The following PSD3 variants were observed in gnomAD, a reference collection of about 807,000 sequenced individuals.
The protein encoded by PSD3 is pleckstrin and Sec7 domain containing 3, also known as PH and SEC7 domain-containing protein 3.
A neutral mutation model predicts 105.5 loss-of-function variants in PSD3; 49 were observed. The observed-to-expected ratio is 0.46, with a 90% confidence interval of 0.37 to 0.59. The LOEUF (loss-of-function observed/expected upper bound fraction) is 0.59, where lower values mean the gene tolerates loss of function less well. Among genes scored for constraint, PSD3 ranks in the 20% least tolerant of loss-of-function variants. The probability of loss-of-function intolerance (pLI) is 0.00; values close to 1 mark genes in which losing one functional copy is unlikely to be tolerated. For synonymous variants in PSD3, 557 were observed against 457.8 expected, an observed-to-expected ratio of 1.22 and a Z score of -2.77; for missense variants, 1,561 against 1,263.8, an observed-to-expected ratio of 1.24 and a Z score of -3.57.
chr8:18,543,596 C>T (rs958325707), intron 15 of PSD3, among the ~76,000 whole-genome samples: 61 of 150,964 alleles, frequency 4.0e-4, no homozygotes, highest in African/African-American at 1.4e-3. Context: ...CCAGCCTGGG[C>T]GACAGAGCGA....
At chr8:18,785,362 C>T (rs1029998180) in intron 8 of PSD3, among the ~76,000 whole-genome samples, 2 of 152,204 alleles carry the variant, frequency 1.3e-5, no homozygotes, top group African/African-American at 4.8e-5. Flanking sequence ...GTTATGAAGA[C>T]ACTTTCTTTC....
chr8:19,074,582 C>CATATATATATAT (rs1829384545), intron 1 of PSD3, among the ~76,000 whole-genome samples: 1 of 34,132 alleles, frequency 2.9e-5, no homozygotes, highest in Non-Finnish European at 8.1e-5. Flanking sequence ...TTTTACAACT[C>CATATATATATAT]AGATATATAC....
chr8:18,904,009 A>G (rs972948477), intron 2 of PSD3, among the ~76,000 whole-genome samples: 1 of 152,096 alleles, frequency 6.6e-6, no homozygotes, highest in Admixed American at 6.5e-5. Context: ...ATAAAGGAAC[A>G]CCCGAAACTG....
rs1563552373 is a variant in PSD3, at chr8:19,084,254, CACAGCTGG to C, written c.268_275del (p.Pro90AlafsTer39). ...GGGCTGGGCAGCCCTTGCTGGTGTGCACAGCTGGACAGTACCTGTAGAGCCATGCCCTT... is the reference window on the plus strand; with the variant it reads ...GGGCTGGGCAGCCCTTGCTGGTGTGCACAGTACCTGTAGAGCCATGCCCTT... On this transcript the variant is annotated frameshift_variant, in exon 1 of 2. Coordinates refer to the PSD3 transcript ENST00000521475. LOFTEE classifies it high-confidence loss of function. The C allele has an allele frequency of 2.2e-6, 1 of 455,630 alleles. No homozygotes were observed. The highest frequency in any genetic ancestry group is 7.0e-5 in the East Asian group (1 of 14,372). 28.2% of individuals were successfully genotyped at this position (455,630 alleles called of 1,614,324 possible).
intron 1 of PSD3, among the ~76,000 whole-genome samples, chr8:19,079,443 A>G (rs1403983619): frequency 6.6e-6 from 1 of 152,226 alleles, no homozygotes; most frequent in Non-Finnish European, 1.5e-5. Flanking sequence ...CTTTTATAAA[A>G]TTCTAAATGA....
intron 11 of PSD3, among the ~76,000 whole-genome samples, chr8:18,608,738 T>C (rs1194179105): frequency 1.3e-5 from 2 of 152,182 alleles, no homozygotes; most frequent in African/African-American, 4.8e-5. Flanking sequence ...AAAATATTCA[T>C]TAACGAGTAA....
chr8:18,645,028 G>C (rs999071087), intron 10 of PSD3, among the ~76,000 whole-genome samples: 1 of 152,152 alleles, frequency 6.6e-6, no homozygotes, highest in African/African-American at 2.4e-5. Flanking sequence ...GCAAGAGAGC[G>C]AGTTGGGGAT....
At chr8:19,048,315 A>C (rs1828396901) in intron 1 of PSD3, among the ~76,000 whole-genome samples, 1 of 152,196 alleles carries the variant, frequency 6.6e-6, no homozygotes, top group Non-Finnish European at 1.5e-5. Flanking sequence ...AGAGCACCTA[A>C]AGATGTTTTT....
chr8:18,852,445 A>T (rs959397000), intron 4 of PSD3, among the ~76,000 whole-genome samples: 1 of 152,218 alleles, frequency 6.6e-6, no homozygotes, highest in African/African-American at 2.4e-5. Flanking sequence ...CACAATGGCC[A>T]GTTTCTGACA....
chr8:18,796,856 T>C (rs1810228922), intron 8 of PSD3, among the ~76,000 whole-genome samples: 1 of 152,158 alleles, frequency 6.6e-6, no homozygotes, highest in African/African-American at 2.4e-5. Flanking sequence ...GATCAAGTAA[T>C]GGGTGGTCAT....
chr8:18,575,374 T>G, intron 12 of PSD3, 89 bp from the exon 13 acceptor site: 1 of 1,285,796 alleles, frequency 7.8e-7, no homozygotes, highest in South Asian at 2.0e-5. Flanking sequence ...AAAATAGTTT[T>G]TAGGAAATCC....
chr8:18,544,171 CAAAAAAAAAAAAAA>C (rs201016537), intron 15 of PSD3, among the ~76,000 whole-genome samples: 2 of 106,692 alleles, frequency 1.9e-5, no homozygotes, highest in African/African-American at 9.9e-5. Context: ...AGAAACAAAC[CAAAAAAAAAAAAAA>C]AAAAAAAAAA....
chr8:18,933,058 A>C (rs1162625027), intron 2 of PSD3, among the ~76,000 whole-genome samples: 1 of 152,204 alleles, frequency 6.6e-6, no homozygotes, highest in African/African-American at 2.4e-5. Flanking sequence ...TTGCACCTTC[A>C]ATGTGCCCAA....
At chr8:19,067,622 G>C (rs981734199) in intron 1 of PSD3, among the ~76,000 whole-genome samples, 1 of 152,196 alleles carries the variant, frequency 6.6e-6, no homozygotes, top group Non-Finnish European at 1.5e-5. Flanking sequence ...AGGCTTCCCA[G>C]GGTGTCACAA....
intron 1 of PSD3, among the ~76,000 whole-genome samples, chr8:18,947,168 G>A (rs1822920618): frequency 6.6e-6 from 1 of 152,086 alleles, no homozygotes; most frequent in Non-Finnish European, 1.5e-5. Flanking sequence ...CAAGAGTAGA[G>A]AGCTTCACGG....
intron 1 of PSD3, among the ~76,000 whole-genome samples, chr8:19,027,411 A>T (rs955204474): frequency 1.3e-5 from 2 of 152,190 alleles, no homozygotes; most frequent in Admixed American, 1.3e-4. Context: ...GAAACCCCAG[A>T]GAAAAATTTT....
intron 3 of PSD3, 23 bp from the exon 4 acceptor site, chr8:18,868,092 G>C: frequency 6.4e-7 from 1 of 1,561,020 alleles, no homozygotes; most frequent in East Asian, 2.3e-5. Context: ...TAAGAGTGAA[G>C]AATTCCAATA....
At chr8:18,608,476 A>C (rs1029670027) in intron 11 of PSD3, among the ~76,000 whole-genome samples, 5 of 152,232 alleles carry the variant, frequency 3.3e-5, no homozygotes. Context: ...CTGCAATAGA[A>C]AAATTGGCAG....
chr8:18,570,917 T>C (rs992635710), intron 14 of PSD3, among the ~76,000 whole-genome samples: 2 of 151,658 alleles, frequency 1.3e-5, no homozygotes, highest in African/African-American at 4.8e-5. Context: ...TGGAATGCAG[T>C]GGCATGATCT....
Sources: allele counts gnomAD v4.1 joint callset (sites outside exome capture counted in the v4.1 genomes callset), GRCh38; gene constraint gnomAD v4.1.1; transcripts MANE v1.5; gene names NCBI Gene and HGNC (gene_info 2026-07-23, HGNC 2026-07-21).